The following CXXC5 variants were observed in gnomAD, a reference collection of about 807,000 sequenced individuals.
CXXC5 encodes CXXC-type zinc finger protein 5.
CXXC5 carries 2 observed loss-of-function variants against 17.6 expected under a neutral mutation model. The ratio of observed to expected loss-of-function variants is 0.11; its 90% CI spans 0.05 to 0.36. The LOEUF (loss-of-function observed/expected upper bound fraction) is 0.36. Among genes scored for constraint, CXXC5 ranks in the 10% least tolerant of loss-of-function variants. CXXC5 has a pLI of 1.00. For synonymous variants in CXXC5, 171 were observed against 193.0 expected, an observed-to-expected ratio of 0.89 and a Z score of 0.94; for missense variants, 343 against 458.3, an observed-to-expected ratio of 0.75 and a Z score of 2.30.
intron 1 of CXXC5, among the ~76,000 whole-genome samples, chr5:139,671,006 G>C (rs1247078562): frequency 6.6e-6 from 1 of 152,238 alleles, no homozygotes; most frequent in African/African-American, 2.4e-5. Context: ...TCCTTGGGTA[G>C]TTATGCCACC....
chr5:139,677,907 C>T (rs955306946), intron 1 of CXXC5, among the ~76,000 whole-genome samples: 4 of 152,240 alleles, frequency 2.6e-5, no homozygotes, highest in African/African-American at 7.2e-5. Flanking sequence ...CTGCCCGCCC[C>T]GCACGCAGAG....
intron 1 of CXXC5, among the ~76,000 whole-genome samples, chr5:139,650,346 C>T (rs1171147742): frequency 6.6e-6 from 1 of 152,222 alleles, no homozygotes; most frequent in Non-Finnish European, 1.5e-5. Context: ...TGACCCCCAC[C>T]TTTCCTCGCG....
intron 1 of CXXC5, among the ~76,000 whole-genome samples, chr5:139,650,567 A>T (rs1755114504): frequency 6.6e-6 from 1 of 152,066 alleles, no homozygotes; most frequent in African/African-American, 2.4e-5. Flanking sequence ...GTCGCTGCGG[A>T]CTTGTTTGGA....
chr5:139,652,163 C>CGT (rs1326798150), intron 1 of CXXC5, among the ~76,000 whole-genome samples: 11,774 of 139,510 alleles, frequency 0.084, 625 homozygotes, highest in African/African-American at 0.15. Flanking sequence ...CGCGCGCGCG[C>CGT]GCGCGCGCGT....
In CXXC5 at chr5:139,682,996, C is replaced by A; in HGVS notation, c.*89C>A. 3.3e-6 allele frequency: 4 copies of A among 1,206,226 alleles called. No homozygotes were observed. Among genetic ancestry groups the A allele is most frequent in the Non-Finnish European group, 3.3e-6 (3 of 898,348 alleles). 74.7% of individuals were successfully genotyped at this position (1,206,226 alleles called of 1,614,324 possible). ...GGATTCGGGCGAAGACAAACGGATGCACCCGTCTTTAGAACCAAAAATATT... is the reference window on the plus strand; with the variant it reads ...GGATTCGGGCGAAGACAAACGGATGAACCCGTCTTTAGAACCAAAAATATT... On this transcript the variant is annotated 3_prime_UTR_variant, in exon 3 of 3. Coordinates refer to ENST00000302517, the MANE Select transcript of CXXC5 (RefSeq NM_016463.9).
In CXXC5 at chr5:139,661,423, GACACGCGTGGT is replaced by G. The variant is rs1222512428; in HGVS notation, c.-161+12582_-161+12592del. On this transcript the variant is annotated intron_variant, in intron 1 of 2. Coordinates refer to ENST00000302517, the MANE Select transcript of CXXC5 (RefSeq NM_016463.9). This position sits in a 1 kb window ranked among gnomAD's most constrained non-coding sequence, Gnocchi z 4.7. ...TCCACACGACTCAGCACACCCAGCC[GACACGCGTGGT>G]ACAGACTCGGTCACATGCACCATGC... Among the ~76,000 whole-genome samples the G allele has an allele frequency of 2.6e-5, 4 of 152,126 alleles. No homozygotes were observed. Among genetic ancestry groups the G allele is most frequent in the African/African-American group, 4.8e-5 (2 of 41,422 alleles).
intron 1 of CXXC5, among the ~76,000 whole-genome samples, chr5:139,657,374 G>A (rs959525466): frequency 1.3e-5 from 2 of 152,240 alleles, no homozygotes; most frequent in Admixed American, 1.3e-4. Context: ...CTGGGCACAG[G>A]CCTTGCTCTT....
chr5:139,674,564 G>A lies in CXXC5; in HGVS notation c.-160-5800G>A, dbSNP rs569500724. Among the ~76,000 whole-genome samples, 227 of 152,378 alleles carry A rather than the reference G, an allele frequency of 1.5e-3. 8 individuals are homozygous for A. The highest frequency in any genetic ancestry group is 1.4e-3 in the Admixed American group (21 of 15,308). Reference sequence around the variant, plus strand: ...GGCTGCAAGGCTGGTCAGCCAGCAAGGAATGGCGGGGATGGTGCCTTGGTC... The same window carrying A: ...GGCTGCAAGGCTGGTCAGCCAGCAAAGAATGGCGGGGATGGTGCCTTGGTC... On this transcript the variant is annotated intron_variant, in intron 1 of 2. Transcript: ENST00000302517.
chr5:139,683,052 A>T lies in CXXC5; in HGVS notation c.*145A>T, dbSNP rs1479188432. ...ACAGATTTCATTCCTGTTTTTATAT[A>T]TATATTTTTTGTTGTCGTTTTAACA... is the stretch of plus-strand genomic sequence containing the variant. On this transcript the variant is annotated 3_prime_UTR_variant, in exon 3 of 3. Transcript: ENST00000302517. 4 of 624,080 alleles carry T rather than the reference A, an allele frequency of 6.4e-6. No individual in the cohort carries two copies. Among genetic ancestry groups the T allele is most frequent in the Non-Finnish European group, 7.1e-6 (3 of 422,604 alleles). The allele number at this position is 624,080 out of a possible 1,614,324, so 38.7% of individuals were successfully genotyped here.
In CXXC5 at chr5:139,663,893, G is replaced by A. The variant is rs1025031028; in HGVS notation, c.-161+15048G>A. 1.9e-4 allele frequency among the ~76,000 whole-genome samples: 29 copies of A among 152,208 alleles called. No homozygotes were observed. Among genetic ancestry groups the A allele is most frequent in the African/African-American group, 6.3e-4 (26 of 41,448 alleles). On this transcript the variant is annotated intron_variant, in intron 1 of 2. Transcript: ENST00000302517. This position sits in a 1 kb window ranked among gnomAD's most constrained non-coding sequence, Gnocchi z 4.2. Reference sequence around the variant, plus strand: ...TCACTGGCTAGGGGTTGGGCTCAGCGAGGGTCAGCAACCTGTCTGAGGTCA... The same window carrying A: ...TCACTGGCTAGGGGTTGGGCTCAGCAAGGGTCAGCAACCTGTCTGAGGTCA...
chr5:139,680,479 G>A lies in CXXC5; in HGVS notation c.-45G>A, dbSNP rs1017750696. ...GGTCCTGGTCTGTGGACCCTCGGCAGTTGGCAGGCTCCCTCTGCAGTGGGG... is the reference window on the plus strand; with the variant it reads ...GGTCCTGGTCTGTGGACCCTCGGCAATTGGCAGGCTCCCTCTGCAGTGGGG... On this transcript the variant is annotated 5_prime_UTR_variant, in exon 2 of 3. Transcript: ENST00000302517. The A allele has an allele frequency of 3.9e-6, 6 of 1,520,034 alleles. No homozygotes were observed. The highest frequency in any genetic ancestry group is 2.0e-5 in the Admixed American group (1 of 49,844). The allele number at this position is 1,520,034 out of a possible 1,614,324, so 94.2% of individuals were successfully genotyped here.
chr5:139,647,721 T>C (rs915731326), upstream of CXXC5, among the ~76,000 whole-genome samples: 1 of 152,226 alleles, frequency 6.6e-6, no homozygotes, highest in African/African-American at 2.4e-5. Flanking sequence ...GATGCCTGCC[T>C]GAGAGATAAA....
chr5:139,677,574 C>T (rs532534273), intron 1 of CXXC5, among the ~76,000 whole-genome samples: 3 of 152,316 alleles, frequency 2.0e-5, no homozygotes, highest in East Asian at 1.9e-4. Context: ...TCCCTGTGAG[C>T]CAGTCCCTCC....
chr5:139,681,574 T>TGGGGCCTG, intron 2 of CXXC5, 127 bp downstream of exon 2: 1 of 1,172,022 alleles, frequency 8.5e-7, no homozygotes, highest in Non-Finnish European at 1.2e-6. Context: ...TCCCAGTCCT[T>TGGGGCCTG]GGGGCCTGGG....
chr5:139,680,316 A>AGGGGG, intron 1 of CXXC5, 48 bp from the exon 2 acceptor site: 1 of 635,610 alleles, frequency 1.6e-6, no homozygotes, highest in Non-Finnish European at 2.6e-6. Context: ...GCGATGTTGA[A>AGGGGG]GGGGGAGGTG....
At chr5:139,678,112 T>C (rs919728075) in intron 1 of CXXC5, among the ~76,000 whole-genome samples, 2 of 152,228 alleles carry the variant, frequency 1.3e-5, no homozygotes, top group African/African-American at 4.8e-5. Flanking sequence ...TCACCCAGTA[T>C]CTGGGCTGCC....
rs369810175 is a variant in CXXC5, at chr5:139,682,877, G to A, written c.939G>A (p.Pro313=). 7 of 1,594,282 alleles carry A rather than the reference G, an allele frequency of 4.4e-6. No individual in the cohort carries two copies. The highest frequency in any genetic ancestry group is 1.7e-5 in the Admixed American group (1 of 57,242). Residue 313 remains proline (P), a synonymous_variant, in exon 3 of 3, where the codon CCG becomes CCA. Transcript: ENST00000302517. The stretch of plus-strand genomic sequence containing the variant: ...GCCCCCGCCAGAAGGTGATGCTTCC[G>A]ACGGGAGCCGCCTTCCGGTGGTTTC... The part of the protein sequence containing the change: ...PSAALEKVML[P]TGAAFRWFQ
At chr5:139,655,560 C>T (rs897289370) in intron 1 of CXXC5, among the ~76,000 whole-genome samples, 8 of 152,072 alleles carry the variant, frequency 5.3e-5, no homozygotes, top group Non-Finnish European at 1.0e-4. Flanking sequence ...GACCTACCTC[C>T]CCACACCTCT....
Position 139,680,953 on chromosome 5 carries a change from C to T in CXXC5, c.430C>T (p.Leu144=), listed in dbSNP as rs1757177349. 1 of 1,601,800 alleles carries T rather than the reference C, an allele frequency of 6.2e-7. No homozygotes were observed. Among genetic ancestry groups the T allele is most frequent in the African/African-American group, 1.3e-5 (1 of 74,954 alleles). The stretch of plus-strand genomic sequence containing the variant: ...GCACAAAAGTGGTGCTGTGGCCAGC[C>T]TGCTGAGCAAGGCAGAGCGGGCCAC... ...SKHKSGAVAS[L]LSKAERATEL... The change falls in exon 2 of 3, where the codon CTG becomes TTG. Residue 144 remains leucine (L), a synonymous_variant. Coordinates refer to ENST00000302517, the MANE Select transcript of CXXC5 (RefSeq NM_016463.9).
Sources: gnomAD v4.1 joint callset for allele counts (sites outside exome capture counted in the v4.1 genomes callset) on GRCh38, gnomAD v4.1.1 for gene constraint, Gnocchi (gnomAD v3.1) non-coding constraint, MANE v1.5 for transcripts, NCBI Gene and HGNC (gene_info 2026-07-23, HGNC 2026-07-21) for gene names.